Variants in PRKCH observed in about 807,000 individuals in gnomAD.
The protein encoded by PRKCH is protein kinase C eta.
Under a neutral mutation model 82.5 loss-of-function variants are expected in PRKCH, and 28 were observed. The ratio of observed to expected loss-of-function variants is 0.34; its 90% CI spans 0.25 to 0.47. The LOEUF is 0.47. PRKCH is among the 20% of genes least tolerant of loss of function. The pLI is 1.00. For synonymous variants in PRKCH, 322 were observed against 327.4 expected, an observed-to-expected ratio of 0.98 and a Z score of 0.18; for missense variants, 705 against 881.8, an observed-to-expected ratio of 0.80 and a Z score of 2.54.
At chr14:61,354,569 G>A (rs1043524633) in intron 1 of PRKCH, among the ~76,000 whole-genome samples, 25 of 151,926 alleles carry the variant, frequency 1.6e-4, no homozygotes, top group African/African-American at 6.0e-4. Flanking sequence ...TATTCTATAA[G>A]CATTTATTCA....
At chr14:61,391,693 T>C (rs1482770833) in intron 2 of PRKCH, among the ~76,000 whole-genome samples, 1 of 152,190 alleles carries the variant, frequency 6.6e-6, no homozygotes, top group Non-Finnish European at 1.5e-5. Flanking sequence ...TCTATCTCAT[T>C]TGTGACCTGT....
At chr14:61,459,134 C>T (rs1047248104) in intron 9 of PRKCH, among the ~76,000 whole-genome samples, 1 of 152,138 alleles carries the variant, frequency 6.6e-6, no homozygotes, top group Non-Finnish European at 1.5e-5. Context: ...GAGAAGGCAC[C>T]AAGAGGGAGG....
chr14:61,481,935 G>A (rs1370348839), intron 9 of PRKCH, among the ~76,000 whole-genome samples: 1 of 150,158 alleles, frequency 6.7e-6, no homozygotes, highest in African/African-American at 2.5e-5. Context: ...TTCTGATGAT[G>A]ACTCCTCACC....
chr14:61,442,352 C>T (rs1246154558), intron 2 of PRKCH, among the ~76,000 whole-genome samples: 2 of 152,168 alleles, frequency 1.3e-5, no homozygotes, highest in African/African-American at 4.8e-5. Flanking sequence ...TGATCCTGTA[C>T]CAATGGGTTT....
chr14:61,189,373 G>T (rs2044392229), intron 1 of PRKCH, among the ~76,000 whole-genome samples: 1 of 136,802 alleles, frequency 7.3e-6, no homozygotes, highest in Non-Finnish European at 1.6e-5. Flanking sequence ...AAGGCAAAGG[G>T]GGGATGGAAG....
At chr14:61,410,341 G>A (rs1315208409) in intron 2 of PRKCH, among the ~76,000 whole-genome samples, 1 of 152,150 alleles carries the variant, frequency 6.6e-6, no homozygotes, top group Non-Finnish European at 1.5e-5. Flanking sequence ...TGAAATGGGA[G>A]CATGTGTTGA....
Position 61,498,395 on chromosome 14 carries a change from A to G in PRKCH, c.1433+12739A>G, listed in dbSNP as rs77193568. Among the ~76,000 whole-genome samples the G allele has an allele frequency of 3.1e-3, 471 of 152,248 alleles. 2 individuals are homozygous for G. Among genetic ancestry groups the G allele is most frequent in the African/African-American group, 0.011 (457 of 41,512 alleles). ...GAAATTGGTAACCTGCTGTTTTATC[A>G]GTTAAGTTCTGTCAAGCCCCAGCCT... On this transcript the variant is annotated intron_variant, in intron 10 of 13. Coordinates refer to ENST00000332981, the MANE Select transcript of PRKCH (RefSeq NM_006255.5).
intron 1 of PRKCH, among the ~76,000 whole-genome samples, chr14:61,236,332 G>A (rs2044787544): frequency 6.6e-6 from 1 of 152,162 alleles, no homozygotes; most frequent in Non-Finnish European, 1.5e-5. Flanking sequence ...AGATGGTTAA[G>A]GCATTCTAAG....
chr14:61,210,158 A>G lies in PRKCH; in HGVS notation c.-19+22490A>G, dbSNP rs1232172136. ...TATATATATATATATATATATATATATATAAATTAGCTTGGCATAGTGGCA... is the reference window on the plus strand; with the variant it reads ...TATATATATATATATATATATATATGTATAAATTAGCTTGGCATAGTGGCA... On this transcript the variant is annotated intron_variant, in intron 1 of 3. Coordinates refer to the PRKCH transcript ENST00000555185. Among the ~76,000 whole-genome samples the G allele has an allele frequency of 5.2e-4, 57 of 108,608 alleles. 1 individual carries two copies. Among genetic ancestry groups the G allele is most frequent in the Admixed American group, 1.2e-3 (12 of 10,362 alleles). The allele number at this position is 108,608 out of a possible 152,430, so 71.3% of individuals were successfully genotyped here.
chr14:61,469,176 A>G (rs907809403), intron 9 of PRKCH, among the ~76,000 whole-genome samples: 1 of 152,214 alleles, frequency 6.6e-6, no homozygotes, highest in East Asian at 1.9e-4. Flanking sequence ...ACCTCAAGCA[A>G]TCCTACTGCC....
intron 12 of PRKCH, among the ~76,000 whole-genome samples, chr14:61,534,205 C>T (rs1390473148): frequency 2.0e-5 from 3 of 152,188 alleles, no homozygotes; most frequent in African/African-American, 7.2e-5. Flanking sequence ...AGCACTTCTA[C>T]TTCTGGATAT....
chr14:61,420,575 C>T (rs1229674658), intron 2 of PRKCH, among the ~76,000 whole-genome samples: 1 of 152,204 alleles, frequency 6.6e-6, no homozygotes, highest in East Asian at 1.9e-4. Context: ...AGCAGGCAGC[C>T]TGTGCCTAGC....
chr14:61,314,439 T>C (rs1448227729), intron 1 of PRKCH, among the ~76,000 whole-genome samples: 1 of 152,226 alleles, frequency 6.6e-6, no homozygotes, highest in African/African-American at 2.4e-5. Flanking sequence ...TTTACATACA[T>C]AAAATATTTA....
At chr14:61,191,985 G>C (rs1391109919) in intron 1 of PRKCH, among the ~76,000 whole-genome samples, 3 of 151,528 alleles carry the variant, frequency 2.0e-5, no homozygotes, top group African/African-American at 7.3e-5. Context: ...GATATTCAAA[G>C]CATATGAAGA....
Position 61,197,430 on chromosome 14 carries a change from G to T in PRKCH, c.-19+9762G>T, listed in dbSNP as rs1409872083. ...AGTTATGAAGGCTGAGAAGTCCAAGGTTGAGGAGCCATGTCTGGTGAGGGC... is the reference window on the plus strand; with the variant it reads ...AGTTATGAAGGCTGAGAAGTCCAAGTTTGAGGAGCCATGTCTGGTGAGGGC... On this transcript the variant is annotated intron_variant, in intron 1 of 3. Transcript: ENST00000555185. Among the ~76,000 whole-genome samples, 2 of 152,176 alleles carry T rather than the reference G, an allele frequency of 1.3e-5. 1 individual carries two copies. The highest frequency in any genetic ancestry group is 3.9e-4 in the East Asian group (2 of 5,174).
rs771608143 is a variant in PRKCH at position 61,345,062 on chromosome 14, CCTTTT to C, written c.363+22601_363+22605del. The stretch of plus-strand genomic sequence containing the variant: ...CTGTATACTCATTCACCCTCAGTTC[CCTTTT>C]CTGGTATATTTCTTAACAAATTATT... On this transcript the variant is annotated intron_variant, in intron 1 of 13. Transcript: ENST00000332981. Among the ~76,000 whole-genome samples, 25 of 152,048 alleles carry C rather than the reference CCTTTT, an allele frequency of 1.6e-4. 2 individuals carry two copies. The highest frequency in any genetic ancestry group is 1.4e-3 in the Admixed American group (22 of 15,268).
chr14:61,457,263 C>G lies in PRKCH; in HGVS notation c.1048C>G (p.Leu350Val). The G allele has an allele frequency of 1.2e-6, 2 of 1,614,176 alleles. No individual in the cohort carries two copies. Among genetic ancestry groups the G allele is most frequent in the Non-Finnish European group, 1.7e-6 (2 of 1,180,042 alleles). ...NGIGVNSSNR[L>V]GIDNFEFIRV... Reference sequence around the variant, plus strand: ...GATTGGGGTTAATTCTTCCAACCGACTTGGTATCGACAACTTTGAGTTCAT... The same window carrying G: ...GATTGGGGTTAATTCTTCCAACCGAGTTGGTATCGACAACTTTGAGTTCAT... Residue 350 changes from leucine to valine, a missense_variant, in exon 8 of 14, where the codon CTT (leucine) becomes GTT (valine). By Grantham distance (32) the Leu-to-Val change is conservative. This residue lies in a region of PRKCH where 238 missense variants were observed against 258.1 expected (regional missense o/e 0.92). Transcript: ENST00000332981.
At chr14:61,229,248 A>G (rs918465483) in intron 1 of PRKCH, among the ~76,000 whole-genome samples, 1 of 152,208 alleles carries the variant, frequency 6.6e-6, no homozygotes, top group Non-Finnish European at 1.5e-5. Context: ...CATAGTATTG[A>G]TATACAAGGC....
intron 5 of PRKCH, 42 bp from the exon 6 acceptor site, chr14:61,450,798 GGT>G: frequency 6.3e-7 from 1 of 1,599,058 alleles, no homozygotes. Flanking sequence ...AAAGGACATT[GGT>G]ATGACATTTT....
Sources: gnomAD v4.1 joint callset for allele counts (sites outside exome capture counted in the v4.1 genomes callset) on GRCh38, gnomAD v4.1.1 for gene constraint, gnomAD v4.1.1 regional missense constraint, MANE v1.5 for transcripts, NCBI Gene and HGNC (gene_info 2026-07-23, HGNC 2026-07-21) for gene names.